Variants in BRI3BP observed in about 807,000 individuals in gnomAD.
BRI3BP encodes the protein BRI3-binding protein.
BRI3BP carries 7 observed loss-of-function variants against 15.8 expected under a neutral mutation model. The ratio of observed to expected loss-of-function variants is 0.44; its 90% CI spans 0.25 to 0.83. The LOEUF (loss-of-function observed/expected upper bound fraction) is 0.83, where lower values mean the gene tolerates loss of function less well. BRI3BP is among the 40% of genes least tolerant of loss of function. The pLI, the probability that BRI3BP is intolerant of heterozygous loss-of-function variation, is 0.20. For missense variants in BRI3BP, 320 were observed against 339.3 expected, an observed-to-expected ratio of 0.94 and a Z score of 0.45; for synonymous variants, 192 against 163.5, an observed-to-expected ratio of 1.17 and a Z score of -1.33.
At chr12:124,996,410 TCTC>T (rs1955041355) in intron 1 of BRI3BP, among the ~76,000 whole-genome samples, 1 of 152,110 alleles carries the variant, frequency 6.6e-6, no homozygotes, top group Admixed American at 6.6e-5. Flanking sequence ...GGCAAGCAAT[TCTC>T]CTGCCTCAGC....
chr12:125,006,690 G>C (rs531080790), intron 1 of BRI3BP, among the ~76,000 whole-genome samples: 1 of 152,308 alleles, frequency 6.6e-6, no homozygotes, highest in African/African-American at 2.4e-5. Flanking sequence ...GTCTTTACAG[G>C]TTCTGCTCTT....
At chr12:125,041,076 C>T in the BRI3BP span, among the ~76,000 whole-genome samples, 7 of 140,452 alleles carry the variant, frequency 5.0e-5, no homozygotes, top group East Asian at 2.2e-4. Flanking sequence ...GACGGAGTCT[C>T]GCTCTGTCGC....
chr12:125,037,206 C>T, the BRI3BP span, among the ~76,000 whole-genome samples: 3 of 152,088 alleles, frequency 2.0e-5, no homozygotes, highest in African/African-American at 7.2e-5. Flanking sequence ...ATTACAGGCA[C>T]GTGCCACACG....
the BRI3BP span, among the ~76,000 whole-genome samples, chr12:125,039,870 G>C: frequency 5.9e-5 from 9 of 152,120 alleles, no homozygotes; most frequent in East Asian, 1.7e-3. Flanking sequence ...TAGAGGCCAC[G>C]AGATGTGTGC....
At chr12:125,012,913 A>AT (rs1426930180) in intron 2 of BRI3BP, among the ~76,000 whole-genome samples, 2 of 152,040 alleles carry the variant, frequency 1.3e-5, no homozygotes, top group African/African-American at 4.8e-5. Flanking sequence ...TCCCATCTCT[A>AT]TAAAAAAAAA....
At chr12:125,016,825 C>CTTTT (rs58016016) in intron 2 of BRI3BP, among the ~76,000 whole-genome samples, 12 of 39,808 alleles carry the variant, frequency 3.0e-4, no homozygotes, top group African/African-American at 1.1e-3. Flanking sequence ...TGCGCCCAGC[C>CTTTT]TTTTTTTTTT....
intron 1 of BRI3BP, among the ~76,000 whole-genome samples, chr12:125,000,308 A>ATTTTTT (rs35803183): frequency 2.2e-5 from 2 of 92,062 alleles, no homozygotes; most frequent in Non-Finnish European, 2.1e-5. Context: ...GTTTCATATG[A>ATTTTTT]TTTTTTTTTT....
rs369500614 is a variant in BRI3BP, at chr12:125,025,105, G to C, written c.431G>C (p.Gly144Ala). Residue 144 changes from glycine (G) to alanine (A), a missense_variant, in exon 3 of 3, where the codon GGC becomes GCC. Coordinates refer to ENST00000341446, the MANE Select transcript of BRI3BP (RefSeq NM_080626.6). ...LAYWFLSLTL[G>A]FTFSVLHVVF... ...TACTGGTTCTTGTCCCTGACCCTGG[G>C]CTTCACTTTCAGCGTCCTGCACGTG... 1.2e-4 allele frequency: 196 copies of C among 1,613,832 alleles called. No individual in the cohort carries two copies. Among genetic ancestry groups the C allele is most frequent in the Non-Finnish European group, 1.6e-4 (186 of 1,180,048 alleles).
intron 2 of BRI3BP, among the ~76,000 whole-genome samples, chr12:125,016,218 T>G (rs1594534504): frequency 6.6e-6 from 1 of 152,284 alleles, no homozygotes. Flanking sequence ...CTTCAAGGCA[T>G]CCGAAGCCCT....
At chr12:125,003,955 A>AC (rs879482090) in intron 1 of BRI3BP, among the ~76,000 whole-genome samples, 1,732 of 77,326 alleles carry the variant, frequency 0.022, 14 homozygotes, top group Middle Eastern at 0.048. Context: ...TCCATCTCAA[A>AC]AACACACACA....
At chr12:125,040,028 C>G in the BRI3BP span, among the ~76,000 whole-genome samples, 2 of 152,122 alleles carry the variant, frequency 1.3e-5, no homozygotes, top group African/African-American at 4.8e-5. Context: ...CTTTGGGACG[C>G]CAAGGCAGGC....
chr12:125,045,208 A>G, the BRI3BP span, among the ~76,000 whole-genome samples: 1 of 152,228 alleles, frequency 6.6e-6, no homozygotes, highest in African/African-American at 2.4e-5. Flanking sequence ...CTTAGCACAT[A>G]AGAGTGTAAA....
At chr12:125,020,519 C>T (rs1955289230) in intron 2 of BRI3BP, among the ~76,000 whole-genome samples, 1 of 152,200 alleles carries the variant, frequency 6.6e-6, no homozygotes. Context: ...TTGTGGGGGA[C>T]ACAAATACTC....
chr12:125,016,358 T>TTC (rs1297382288), intron 2 of BRI3BP, among the ~76,000 whole-genome samples: 1 of 151,402 alleles, frequency 6.6e-6, no homozygotes, highest in Non-Finnish European at 1.5e-5. Context: ...CTTCAGTGTT[T>TTC]TTTTTTTTTT....
At chr12:125,024,683 C>T (rs1009366479) in intron 2 of BRI3BP, among the ~76,000 whole-genome samples, 2 of 152,100 alleles carry the variant, frequency 1.3e-5, no homozygotes, top group African/African-American at 4.8e-5. Flanking sequence ...CCTGTAATCC[C>T]AGCTACCCCG....
At chr12:125,046,276 G>A in the BRI3BP span, among the ~76,000 whole-genome samples, 2 of 152,046 alleles carry the variant, frequency 1.3e-5, no homozygotes, top group Non-Finnish European at 2.9e-5. Context: ...AAAAGAGGCC[G>A]GGCGCGGTGG....
At chr12:125,018,279 T>G (rs557181383) in intron 2 of BRI3BP, among the ~76,000 whole-genome samples, 2 of 151,796 alleles carry the variant, frequency 1.3e-5, no homozygotes, top group Admixed American at 6.6e-5. Context: ...AGGAGTTGAA[T>G]TGTGTGTCCC....
chr12:125,020,455 G>C (rs1193087429), intron 2 of BRI3BP, among the ~76,000 whole-genome samples: 1 of 152,180 alleles, frequency 6.6e-6, no homozygotes, highest in Non-Finnish European at 1.5e-5. Context: ...ACCTCCCCAG[G>C]ACCCCACCTC....
At position 125,028,932 on chromosome 12, in the gene BRI3BP, A is replaced by G. The variant is rs1199436227; in HGVS notation, c.*3502A>G. 2 of 152,200 alleles carry G rather than the reference A, an allele frequency of 1.3e-5. No individual in the cohort carries two copies. The highest frequency in any genetic ancestry group is 4.8e-5 in the African/African-American group (2 of 41,450). The allele number at this position is 152,200 out of a possible 1,614,324, so 9.4% of individuals were successfully genotyped here. A position where few individuals can be genotyped will look rare whatever the true frequency, so the allele number is the denominator to read the frequency against. The stretch of plus-strand genomic sequence containing the variant: ...TTTTCTATCTTCAGGGCTGTAGAAT[A>G]TATTAGCGTAACACTTCACTGAATG... On this transcript the variant is annotated 3_prime_UTR_variant, in exon 3 of 3. Transcript: ENST00000341446.
Sources: gnomAD v4.1 joint callset for allele counts (sites outside exome capture counted in the v4.1 genomes callset) on GRCh38, gnomAD v4.1.1 for gene constraint, MANE v1.5 for transcripts, NCBI Gene and HGNC (gene_info 2026-07-23, HGNC 2026-07-21) for gene names.